GLI2: variants seen among roughly 807,000 people sequenced by gnomAD.
GLI2 encodes GLI family zinc finger 2.
A neutral mutation model predicts 78.9 loss-of-function variants in GLI2; 22 were observed. The ratio of observed to expected loss-of-function variants is 0.28; its 90% CI spans 0.20 to 0.40. GLI2 has a LOEUF of 0.40. Among genes scored for constraint, GLI2 ranks in the 10% least tolerant of loss-of-function variants. The pLI is 1.00. For synonymous variants in GLI2, 974 were observed against 963.7 expected (o/e 1.01, Z -0.20); for missense variants, 2,097 against 2,213.2 (o/e 0.95, Z 1.05).
intron 2 of GLI2, among the ~76,000 whole-genome samples, chr2:120,804,216 C>T (rs1394901075): frequency 6.6e-6 from 1 of 152,182 alleles, no homozygotes; most frequent in Non-Finnish European, 1.5e-5. Flanking sequence ...CCTGCCTTAC[C>T]ACACCTAGGA....
At chr2:120,981,852 C>A (rs1573724234) in intron 10 of GLI2, among the ~76,000 whole-genome samples, 1 of 152,164 alleles carries the variant, frequency 6.6e-6, no homozygotes, top group Non-Finnish European at 1.5e-5. Context: ...TTTCCTCCTT[C>A]CGTCCTTTCC....
At chr2:120,851,865 C>T (rs891739402) in intron 2 of GLI2, among the ~76,000 whole-genome samples, 2 of 152,232 alleles carry the variant, frequency 1.3e-5, no homozygotes, top group African/African-American at 4.8e-5. Context: ...GAGATGCCCC[C>T]CACTGGGTAC....
At chr2:120,826,121 G>T (rs757572641) in intron 2 of GLI2, among the ~76,000 whole-genome samples, 1 of 152,194 alleles carries the variant, frequency 6.6e-6, no homozygotes, top group Non-Finnish European at 1.5e-5. Flanking sequence ...CTTCCAACCC[G>T]GCTGGGTGGG....
At chr2:120,912,649 G>A (rs1006637692) in intron 2 of GLI2, among the ~76,000 whole-genome samples, 3 of 152,236 alleles carry the variant, frequency 2.0e-5, no homozygotes, top group Non-Finnish European at 2.9e-5. Context: ...GTCCGAAAGT[G>A]TAACACGGCT....
chr2:120,958,903 G>T (rs763234001), intron 5 of GLI2, among the ~76,000 whole-genome samples: 3 of 152,254 alleles, frequency 2.0e-5, no homozygotes, highest in African/African-American at 2.4e-5. Context: ...GCCCTGTCAG[G>T]TCTGGGAGCA....
At chr2:120,952,422 C>G (rs1458494079) in intron 4 of GLI2, among the ~76,000 whole-genome samples, 1 of 152,290 alleles carries the variant, frequency 6.6e-6, no homozygotes, top group South Asian at 2.1e-4. Context: ...GCATCCTCTT[C>G]CAACTGGTGG....
At chr2:120,954,010 G>C (rs910858995) in intron 4 of GLI2, among the ~76,000 whole-genome samples, 2 of 152,148 alleles carry the variant, frequency 1.3e-5, no homozygotes, top group African/African-American at 4.8e-5. Context: ...CCACGACATA[G>C]CAGGGACCTG....
intron 3 of GLI2, among the ~76,000 whole-genome samples, chr2:120,945,744 G>C (rs771591982): frequency 6.6e-6 from 1 of 152,110 alleles, no homozygotes; most frequent in Non-Finnish European, 1.5e-5. Context: ...CAACCCTTGC[G>C]GACAGAGAGA....
chr2:120,870,312 C>T (rs1243296191), intron 2 of GLI2, among the ~76,000 whole-genome samples: 1 of 152,234 alleles, frequency 6.6e-6, no homozygotes, highest in Non-Finnish European at 1.5e-5. Flanking sequence ...TTCCATGGAA[C>T]TGCCTTAGTC....
At chr2:120,767,279 G>T (rs1376349566) in intron 1 of GLI2, among the ~76,000 whole-genome samples, 2 of 151,698 alleles carry the variant, frequency 1.3e-5, no homozygotes, top group Non-Finnish European at 2.9e-5. Flanking sequence ...TTTTCCAAGG[G>T]TACAGCTGAG....
rs747750495 is a variant in GLI2 at position 120,989,222 on chromosome 2, G to A, written c.3257G>A (p.Gly1086Glu). ...GACAACCCCAGACTACCCAGCCCGG[G>A]GCTGCACGGCCAGCGCAGGATGGTG... ...FSDNPRLPSP[G>E]LHGQRRMVAA... is the part of the protein sequence containing the mutation. The change falls in exon 14 of 14, where the codon GGG becomes GAG. Residue 1086 changes from glycine to glutamate, a missense_variant. Transcript: ENST00000361492. 6.2e-7 allele frequency: 1 copy of A among 1,613,064 alleles called. No homozygotes were observed. Among genetic ancestry groups the A allele is most frequent in the South Asian group, 1.1e-5 (1 of 91,088 alleles).
intron 2 of GLI2, among the ~76,000 whole-genome samples, chr2:120,810,014 C>A (rs1685163070): frequency 6.6e-6 from 1 of 152,188 alleles, no homozygotes; most frequent in African/African-American, 2.4e-5. Flanking sequence ...TTCAGGGTGA[C>A]CCTGCTGGCC....
intron 2 of GLI2, among the ~76,000 whole-genome samples, chr2:120,822,109 A>C (rs555108279): frequency 1.3e-5 from 2 of 152,288 alleles, no homozygotes; most frequent in East Asian, 3.9e-4. Context: ...CGAGACCTAG[A>C]GCAAGGCTGT....
chr2:120,863,779 G>GTC (rs1244851795), intron 2 of GLI2, among the ~76,000 whole-genome samples: 1 of 152,198 alleles, frequency 6.6e-6, no homozygotes, highest in South Asian at 2.1e-4. Flanking sequence ...AACATAAAGG[G>GTC]TCTGATATGT....
chr2:120,966,343 G>T (rs1681855749), intron 5 of GLI2, among the ~76,000 whole-genome samples: 1 of 152,146 alleles, frequency 6.6e-6, no homozygotes, highest in African/African-American at 2.4e-5. Context: ...TCATGCAGCT[G>T]ACTTATGGCT....
chr2:120,982,344 C>T (rs1360478786), intron 10 of GLI2, among the ~76,000 whole-genome samples: 3 of 152,018 alleles, frequency 2.0e-5, no homozygotes, highest in African/African-American at 7.2e-5. Context: ...AGTTCAAAGT[C>T]ATAGTTTAGA....
intron 1 of GLI2, among the ~76,000 whole-genome samples, chr2:120,779,448 A>T (rs1683775257): frequency 6.6e-6 from 1 of 151,926 alleles, no homozygotes; most frequent in Non-Finnish European, 1.5e-5. Context: ...GGTGTTGAGC[A>T]TGGTGGTGCA....
chr2:120,920,915 A>AC (rs1679342371), intron 2 of GLI2, among the ~76,000 whole-genome samples: 2 of 147,858 alleles, frequency 1.4e-5, no homozygotes, highest in South Asian at 4.4e-4. Flanking sequence ...AAAAAAAAAA[A>AC]CACAAAAGCC....
intron 1 of GLI2, among the ~76,000 whole-genome samples, chr2:120,796,145 A>G (rs1197988026): frequency 6.6e-6 from 1 of 152,174 alleles, no homozygotes; most frequent in Non-Finnish European, 1.5e-5. Flanking sequence ...GTCTGCTCTG[A>G]CCCACCACTC....
Sources: allele counts gnomAD v4.1 joint callset (sites outside exome capture counted in the v4.1 genomes callset), GRCh38; gene constraint gnomAD v4.1.1; transcripts MANE v1.5; gene names NCBI Gene and HGNC (gene_info 2026-07-23, HGNC 2026-07-21).